The following AQP7B variants were observed in gnomAD, a reference collection of about 807,000 sequenced individuals.
AQP7B encodes the protein aquaporin 7B.
chr2:94,589,288 T>G, the AQP7B span, among the ~76,000 whole-genome samples: 1 of 151,758 alleles, frequency 6.6e-6, no homozygotes, highest in Non-Finnish European at 1.5e-5. Context: ...GGATTACAGG[T>G]GTGAGCCACT....
the AQP7B span, chr2:94,602,558 A>C: frequency 8.7e-6 from 14 of 1,604,412 alleles, no homozygotes; most frequent in Admixed American, 2.2e-4. Context: ...CCTTGGTGTC[A>C]ACTTGGGTTT....
the AQP7B span, among the ~76,000 whole-genome samples, chr2:94,590,349 A>ATT: frequency 1.4e-5 from 2 of 147,984 alleles, no homozygotes; most frequent in South Asian, 4.3e-4. Flanking sequence ...CGCCCAGCTA[A>ATT]TTTTTTTTTT....
chr2:94,594,423 C>T, the AQP7B span, among the ~76,000 whole-genome samples: 1 of 152,302 alleles, frequency 6.6e-6, no homozygotes, highest in African/African-American at 2.4e-5. Flanking sequence ...CTGCTTTTTC[C>T]CAGAGGCTTG....
chr2:94,589,685 A>G, the AQP7B span, among the ~76,000 whole-genome samples: 1 of 151,980 alleles, frequency 6.6e-6, no homozygotes, highest in Non-Finnish European at 1.5e-5. Context: ...CCTCTAGCCT[A>G]CGTCTCTTTC....
At chr2:94,603,164 T>A in the AQP7B span, 2 of 1,515,904 alleles carry the variant, frequency 1.3e-6, no homozygotes, top group South Asian at 2.4e-5. Flanking sequence ...CCATCTACAG[T>A]CTCTTCTACA....
chr2:94,601,421 G>T, the AQP7B span, among the ~76,000 whole-genome samples: 15 of 152,314 alleles, frequency 9.8e-5, no homozygotes, highest in East Asian at 2.5e-3. Flanking sequence ...TAGGCATCTG[G>T]CTCCCCCACA....
the AQP7B span, chr2:94,602,497 C>T: frequency 2.1e-5 from 33 of 1,604,342 alleles, no homozygotes; most frequent in Middle Eastern, 2.3e-4. Context: ...TGTAGGTATT[C>T]GGCCTTGGTT....
chr2:94,598,796 G>GTATTT, the AQP7B span, among the ~76,000 whole-genome samples: 2 of 152,148 alleles, frequency 1.3e-5, no homozygotes, highest in African/African-American at 2.4e-5. Context: ...CACTCACCCA[G>GTATTT]TATTTTATTT....
At chr2:94,594,833 G>A in the AQP7B span, 44 of 1,558,024 alleles carry the variant, frequency 2.8e-5, no homozygotes, top group African/African-American at 4.1e-5. Context: ...AAGATGGTGC[G>A]AGAGTTCTTG....
chr2:94,601,658 G>A, the AQP7B span, among the ~76,000 whole-genome samples: 5 of 152,122 alleles, frequency 3.3e-5, no homozygotes, highest in South Asian at 8.3e-4. Context: ...AACAGGGAGG[G>A]GGCAACCAGG....
At chr2:94,587,783 C>T in the AQP7B span, among the ~76,000 whole-genome samples, 545 of 152,170 alleles carry the variant, frequency 3.6e-3, 6 homozygotes, top group African/African-American at 0.013. Context: ...AGGCAGGAGA[C>T]GGGTCAGCTG....
At chr2:94,597,156 C>A in the AQP7B span, among the ~76,000 whole-genome samples, 1 of 152,162 alleles carries the variant, frequency 6.6e-6, no homozygotes, top group East Asian at 1.9e-4. Context: ...CTACTCCTCT[C>A]TTACCTCCCC....
chr2:94,597,946 T>G, the AQP7B span, among the ~76,000 whole-genome samples: 1 of 152,192 alleles, frequency 6.6e-6, no homozygotes, highest in Non-Finnish European at 1.5e-5. Flanking sequence ...GCTCTGTACC[T>G]TAGCTTAAAT....
the AQP7B span, among the ~76,000 whole-genome samples, chr2:94,591,760 A>T: frequency 1.3e-5 from 2 of 151,982 alleles, no homozygotes; most frequent in Non-Finnish European, 2.9e-5. Flanking sequence ...GCCCAGAGTG[A>T]TCCCTGCCTC....
chr2:94,604,095 C>T, the AQP7B span, among the ~76,000 whole-genome samples: 1 of 152,156 alleles, frequency 6.6e-6, no homozygotes, highest in Non-Finnish European at 1.5e-5. Flanking sequence ...AGTACAGATA[C>T]AGATCCTGCA....
chr2:94,592,980 C>T, the AQP7B span, among the ~76,000 whole-genome samples: 129 of 151,910 alleles, frequency 8.5e-4, no homozygotes, highest in South Asian at 0.011. Flanking sequence ...TACACCACAA[C>T]ACCTGACTAA....
the AQP7B span, chr2:94,603,656 A>T: frequency 6.8e-6 from 9 of 1,320,286 alleles, no homozygotes; most frequent in African/African-American, 1.5e-5. Context: ...GCCACTGCCG[A>T]TGTCCTGTGG....
At chr2:94,600,772 G>A in the AQP7B span, among the ~76,000 whole-genome samples, 6 of 151,992 alleles carry the variant, frequency 3.9e-5, no homozygotes, top group East Asian at 3.9e-4. Context: ...TCAACTACTC[G>A]GGAGGCTAAG....
chr2:94,602,459 G>A, the AQP7B span: 2 of 1,587,700 alleles, frequency 1.3e-6, no homozygotes, highest in Non-Finnish European at 1.7e-6. Context: ...GGGCTTCTGG[G>A]CAGGCAGCCC....
Sources: allele counts gnomAD v4.1 joint callset (sites outside exome capture counted in the v4.1 genomes callset), GRCh38; gene constraint gnomAD v4.1.1; transcripts MANE v1.5; gene names NCBI Gene and HGNC (gene_info 2026-07-23, HGNC 2026-07-21).